The following C1orf141 variants were observed in gnomAD, a reference collection of about 807,000 sequenced individuals.
C1orf141 encodes the protein uncharacterized protein C1orf141.
Under a neutral mutation model 23.2 loss-of-function variants are expected in C1orf141, and 19 were observed. That is an observed-to-expected ratio of 0.82 (90% CI 0.57 to 1.20). The LOEUF (loss-of-function observed/expected upper bound fraction) is 1.20. Among genes scored for constraint, C1orf141 ranks in the 50% most tolerant of loss-of-function variants. C1orf141 has a pLI of 0.00. For missense variants in C1orf141, 469 were observed against 455.1 expected, an observed-to-expected ratio of 1.03 and a Z score of -0.28; for synonymous variants, 153 against 154.6, an observed-to-expected ratio of 0.99 and a Z score of 0.08.
At chr1:67,129,883 C>T (rs1646486366) in intron 2 of C1orf141, among the ~76,000 whole-genome samples, 1 of 152,158 alleles carries the variant, frequency 6.6e-6, no homozygotes, top group Admixed American at 6.5e-5. Context: ...AACCTCTAAC[C>T]TATTCTTTGT....
intron 1 of C1orf141, among the ~76,000 whole-genome samples, chr1:67,132,516 C>T (rs1328063907): frequency 6.7e-6 from 1 of 150,000 alleles, no homozygotes; most frequent in Non-Finnish European, 1.5e-5. Flanking sequence ...AGCGAGTCTC[C>T]ATTTCAAAAA....
chr1:67,096,121 A>G (rs1246648815), intron 6 of C1orf141, 131 bp downstream of exon 6: 15 of 585,628 alleles, frequency 2.6e-5, no homozygotes, highest in Non-Finnish European at 4.0e-5. Context: ...GCAGTCTTGG[A>G]CCATTCATTG....
At chr1:67,119,899 G>A (rs933785178) in intron 4 of C1orf141, among the ~76,000 whole-genome samples, 3 of 152,188 alleles carry the variant, frequency 2.0e-5, no homozygotes, top group Non-Finnish European at 2.9e-5. Flanking sequence ...CCCACAACAG[G>A]CCCAGAGGGC....
intron 5 of C1orf141, chr1:67,111,640 T>A (rs1018692280): frequency 6.5e-6 from 9 of 1,375,340 alleles, no homozygotes; most frequent in Admixed American, 5.2e-5. Flanking sequence ...GTTCTTCTAC[T>A]GGCTCTAAAG....
chr1:67,128,547 T>C (rs927720226), intron 2 of C1orf141, among the ~76,000 whole-genome samples: 33 of 151,956 alleles, frequency 2.2e-4, no homozygotes, highest in African/African-American at 7.7e-4. Context: ...CTACTAAAAA[T>C]ACAAAAATTA....
At chr1:67,122,424 T>C (rs560270869) in intron 4 of C1orf141, 2 of 152,364 alleles carry the variant, frequency 1.3e-5, no homozygotes, top group African/African-American at 4.8e-5. Context: ...TAAAAATCTA[T>C]ATTTGCTTTC....
At chr1:67,117,455 T>C (rs1467977239) in intron 4 of C1orf141, among the ~76,000 whole-genome samples, 1 of 152,174 alleles carries the variant, frequency 6.6e-6, no homozygotes, top group Non-Finnish European at 1.5e-5. Context: ...ATGCATAAGA[T>C]TTTTGGTAAA....
At chr1:67,098,661 T>C (rs1645738051) in intron 5 of C1orf141, among the ~76,000 whole-genome samples, 2 of 152,182 alleles carry the variant, frequency 1.3e-5, no homozygotes, top group African/African-American at 2.4e-5. Context: ...GATATACACC[T>C]CAATTTTAAG....
At chr1:67,103,850 T>A (rs1236942358) in intron 5 of C1orf141, among the ~76,000 whole-genome samples, 1 of 152,092 alleles carries the variant, frequency 6.6e-6, no homozygotes, top group Non-Finnish European at 1.5e-5. Context: ...AGCTAGAGTA[T>A]CAGATTGGCA....
chr1:67,108,165 C>T (rs1645976954), intron 5 of C1orf141, among the ~76,000 whole-genome samples: 1 of 152,124 alleles, frequency 6.6e-6, no homozygotes, highest in African/African-American at 2.4e-5. Context: ...AATAAAATCC[C>T]TTAAACAGGG....
intron 4 of C1orf141, among the ~76,000 whole-genome samples, chr1:67,119,468 A>C (rs1300761851): frequency 6.6e-6 from 1 of 152,246 alleles, no homozygotes; most frequent in Non-Finnish European, 1.5e-5. Flanking sequence ...AGAGGAAAGA[A>C]ATGAATTGAA....
At chr1:67,098,037 C>T (rs1486899769) in intron 5 of C1orf141, among the ~76,000 whole-genome samples, 1 of 152,160 alleles carries the variant, frequency 6.6e-6, no homozygotes, top group Non-Finnish European at 1.5e-5. Flanking sequence ...AGATGGATGA[C>T]TGAATCTGCC....
At chr1:67,100,420 T>C (rs914894855) in intron 5 of C1orf141, among the ~76,000 whole-genome samples, 1 of 152,234 alleles carries the variant, frequency 6.6e-6, no homozygotes, top group Non-Finnish European at 1.5e-5. Context: ...GCATTACTTG[T>C]TTCTTTAAAA....
At chr1:67,120,673 A>T (rs994051670) in intron 4 of C1orf141, among the ~76,000 whole-genome samples, 4 of 152,198 alleles carry the variant, frequency 2.6e-5, no homozygotes, top group African/African-American at 9.6e-5. Context: ...AGAAGAAGAC[A>T]GCTGTCTGCA....
At position 67,093,594 on chromosome 1, in the gene C1orf141, T is replaced by G. The variant is rs1280789613; in HGVS notation, c.614A>C (p.Asp205Ala). Reference sequence around the variant, plus strand: ...GTCATGGAAAATTATGGGATTTGTGTCCTTTTGTTCCTGTAGATTAAAGAA... The same window carrying G: ...GTCATGGAAAATTATGGGATTTGTGGCCTTTTGTTCCTGTAGATTAAAGAA... ...KTVTSHMEQK[D>A]TNPIIFHDTE... Residue 205 changes from aspartate to alanine, a missense_variant, in exon 8 of 8, where the codon GAC becomes GCC. Around this residue, in one of 3 missense-constraint regions of C1orf141, gnomAD observed 370 missense variants for 348.1 expected, o/e 1.06. Coordinates refer to ENST00000684719, the MANE Select transcript of C1orf141 (RefSeq NM_001276351.2). The G allele has an allele frequency of 6.4e-7, 1 of 1,555,900 alleles. No homozygotes were observed.
At chr1:67,106,106 A>G (rs998792454) in intron 5 of C1orf141, among the ~76,000 whole-genome samples, 1 of 152,216 alleles carries the variant, frequency 6.6e-6, no homozygotes, top group Non-Finnish European at 1.5e-5. Context: ...GCTGTTCACG[A>G]GTCATTTTGT....
chr1:67,139,846 G>A (rs559455748), upstream of C1orf141, among the ~76,000 whole-genome samples: 1 of 152,246 alleles, frequency 6.6e-6, no homozygotes, highest in East Asian at 1.9e-4. Context: ...CAGCTTGGTG[G>A]GGCCTTTAAA....
chr1:67,141,089 G>A (rs1646632849), intron 1 of C1orf141, among the ~76,000 whole-genome samples: 1 of 152,056 alleles, frequency 6.6e-6, no homozygotes, highest in South Asian at 2.1e-4. Context: ...AATAACATAG[G>A]AAAATGTGTA....
chr1:67,094,172 A>C (rs923882173), intron 7 of C1orf141: 4 of 152,234 alleles, frequency 2.6e-5, no homozygotes, highest in African/African-American at 9.6e-5. Context: ...AAAATAGCCA[A>C]AGTAATAGAT....
Sources: allele counts gnomAD v4.1 joint callset (sites outside exome capture counted in the v4.1 genomes callset), GRCh38; gene constraint gnomAD v4.1.1; regional missense constraint gnomAD v4.1.1; transcripts MANE v1.5; gene names NCBI Gene and HGNC (gene_info 2026-07-23, HGNC 2026-07-21).